MAMDC2: variants seen among roughly 807,000 people sequenced by gnomAD.
MAMDC2 encodes the protein MAM domain containing 2, also known as MAM domain-containing protein 2.
In MAMDC2, 57 loss-of-function variants were observed where a neutral mutation model predicts 89.8. That is an observed-to-expected ratio of 0.63 (90% CI 0.51 to 0.79). MAMDC2 has a LOEUF of 0.79. MAMDC2 is among the 30% of genes least tolerant of loss of function. The pLI, the probability that MAMDC2 is intolerant of heterozygous loss-of-function variation, is 0.00. For synonymous variants in MAMDC2, 313 were observed against 293.4 expected, an observed-to-expected ratio of 1.07 and a Z score of -0.68; for missense variants, 800 against 820.6, an observed-to-expected ratio of 0.97 and a Z score of 0.31.
chr9:70,192,383 T>G (rs1057240010), intron 11 of MAMDC2, among the ~76,000 whole-genome samples: 3 of 152,122 alleles, frequency 2.0e-5, no homozygotes, highest in African/African-American at 4.8e-5. Context: ...TCTTCTGCAC[T>G]GCAAGCCAAC....
rs759700046 is a variant in MAMDC2, at chr9:70,218,337, GCTA to G, written c.1657_1659del (p.Tyr553del). 1.9e-6 allele frequency: 3 copies of G among 1,609,336 alleles called. No individual in the cohort carries two copies. Among genetic ancestry groups the G allele is most frequent in the Non-Finnish European group, 1.7e-6 (2 of 1,176,878 alleles). ...TACCTGCTTTTGCATTCACCTCAAG[GCTA>G]CTACATGTACATTGAGGCCTCCCAT... On this transcript the variant is annotated inframe_deletion and splice_region_variant, in exon 12 of 14. Coordinates refer to ENST00000377182, the MANE Select transcript of MAMDC2 (RefSeq NM_153267.5).
At chr9:70,079,396 C>T (rs1827605963) in intron 2 of MAMDC2, 2 of 152,132 alleles carry the variant, frequency 1.3e-5, no homozygotes, top group Non-Finnish European at 1.5e-5. Flanking sequence ...TTATAAACTG[C>T]TATAAGAATG....
chr9:70,087,932 A>G (rs1827806389), intron 2 of MAMDC2, among the ~76,000 whole-genome samples: 1 of 152,084 alleles, frequency 6.6e-6, no homozygotes, highest in Non-Finnish European at 1.5e-5. Context: ...ATTATTTCTC[A>G]ATTAGGGAGT....
chr9:70,058,966 TCA>T (rs1247843651), intron 2 of MAMDC2, among the ~76,000 whole-genome samples: 1 of 152,224 alleles, frequency 6.6e-6, no homozygotes, highest in Non-Finnish European at 1.5e-5. Flanking sequence ...TGTGAGAGTC[TCA>T]CACTCAGAGG....
chr9:70,182,081 T>C (rs1188337121), intron 11 of MAMDC2, among the ~76,000 whole-genome samples: 2 of 151,786 alleles, frequency 1.3e-5, no homozygotes, highest in South Asian at 4.2e-4. Flanking sequence ...TTGAATTTTA[T>C]CGAAGGCCTT....
intron 5 of MAMDC2, among the ~76,000 whole-genome samples, chr9:70,114,927 A>G (rs1025091886): frequency 6.6e-6 from 1 of 152,156 alleles, no homozygotes; most frequent in African/African-American, 2.4e-5. Flanking sequence ...AAAGAAGTAA[A>G]CTGTATTTCG....
chr9:70,045,649 A>T (rs949755411), intron 2 of MAMDC2, among the ~76,000 whole-genome samples: 4 of 152,146 alleles, frequency 2.6e-5, no homozygotes, highest in African/African-American at 9.7e-5. Flanking sequence ...CCCTGGTTAG[A>T]TGTATGAACT....
intron 4 of MAMDC2, among the ~76,000 whole-genome samples, chr9:70,111,613 T>C (rs1417834878): frequency 6.6e-6 from 1 of 152,226 alleles, no homozygotes; most frequent in Admixed American, 6.5e-5. Flanking sequence ...TGGCACTGAA[T>C]GTTAGGGCAT....
intron 2 of MAMDC2, among the ~76,000 whole-genome samples, chr9:70,050,216 G>A (rs1030237634): frequency 6.6e-6 from 1 of 151,606 alleles, no homozygotes; most frequent in Non-Finnish European, 1.5e-5. Context: ...CCACCCGTCT[G>A]TGATCTTCAG....
chr9:70,215,619 A>G (rs1209925498), intron 11 of MAMDC2, among the ~76,000 whole-genome samples: 2 of 152,234 alleles, frequency 1.3e-5, no homozygotes, highest in African/African-American at 4.8e-5. Flanking sequence ...CTACTTGTTC[A>G]CTGCATTCAG....
At chr9:70,175,134 T>G (rs1201204295) in intron 11 of MAMDC2, among the ~76,000 whole-genome samples, 1 of 152,196 alleles carries the variant, frequency 6.6e-6, no homozygotes, top group East Asian at 1.9e-4. Context: ...GCTACTGTGT[T>G]GAGGAAAGAC....
chr9:70,209,218 T>C lies in MAMDC2; in HGVS notation c.1652-9119T>C, dbSNP rs534139628. On this transcript the variant is annotated intron_variant, in intron 11 of 13. Transcript: ENST00000377182. ...TCAGAAGGAATTGTACCAGCTCCTC[T>C]TTGTACCTCTGGTAGAATTCGGCTG... Among the ~76,000 whole-genome samples, 599 of 152,328 alleles carry C rather than the reference T, an allele frequency of 3.9e-3. 3 individuals carry two copies. Among genetic ancestry groups the C allele is most frequent in the African/African-American group, 0.013 (554 of 41,580 alleles).
Position 70,190,321 on chromosome 9 carries a change from T to C in MAMDC2, c.1651+19690T>C, listed in dbSNP as rs546132508. Among the ~76,000 whole-genome samples, 8 of 152,326 alleles carry C rather than the reference T, an allele frequency of 5.3e-5. No individual in the cohort carries two copies. The East Asian group carries it at 7.7e-4, about 15-fold the overall frequency. ...TTTCCTAGACTAATTCTGTAGTCTATATTCTTTGTTGTGTATGGCTCTGCT... is the reference window on the plus strand; with the variant it reads ...TTTCCTAGACTAATTCTGTAGTCTACATTCTTTGTTGTGTATGGCTCTGCT... On this transcript the variant is annotated intron_variant, in intron 11 of 13. Coordinates refer to ENST00000377182, the MANE Select transcript of MAMDC2 (RefSeq NM_153267.5).
intron 6 of MAMDC2, among the ~76,000 whole-genome samples, chr9:70,127,618 T>C (rs2030613667): frequency 6.6e-6 from 1 of 151,914 alleles, no homozygotes; most frequent in East Asian, 1.9e-4. Flanking sequence ...TAGTTTCTGA[T>C]GTGTTTCATC....
chr9:70,155,880 C>T (rs964630402), intron 9 of MAMDC2, among the ~76,000 whole-genome samples: 1 of 152,158 alleles, frequency 6.6e-6, no homozygotes, highest in Non-Finnish European at 1.5e-5. Flanking sequence ...ATGCCTCTTC[C>T]TCTTTGAATC....
chr9:70,045,611 C>T (rs761934360), intron 2 of MAMDC2, among the ~76,000 whole-genome samples: 5 of 152,202 alleles, frequency 3.3e-5, no homozygotes, highest in Admixed American at 6.5e-5. Context: ...TCCCACCTCG[C>T]TCCCTGGGGG....
At chr9:70,223,856 AAAG>A (rs1260930403) in intron 12 of MAMDC2, among the ~76,000 whole-genome samples, 2 of 152,232 alleles carry the variant, frequency 1.3e-5, no homozygotes, top group Non-Finnish European at 2.9e-5. Flanking sequence ...CAATGTAGAA[AAAG>A]AAGAGGTATT....
intron 2 of MAMDC2, among the ~76,000 whole-genome samples, chr9:70,066,450 G>A (rs981479172): frequency 4.6e-5 from 7 of 152,122 alleles, no homozygotes; most frequent in Admixed American, 1.3e-4. Context: ...GGAAGGTCAC[G>A]TCTCTTTTCC....
At chr9:70,130,774 AAAAACAAAAC>A (rs4069785) in intron 6 of MAMDC2, among the ~76,000 whole-genome samples, 19 of 151,784 alleles carry the variant, frequency 1.3e-4, no homozygotes, top group East Asian at 7.9e-4. Flanking sequence ...AGGGAGGTAA[AAAAACAAAAC>A]AAAACAAAAC....
Sources: allele counts gnomAD v4.1 joint callset (sites outside exome capture counted in the v4.1 genomes callset), GRCh38; gene constraint gnomAD v4.1.1; transcripts MANE v1.5; gene names NCBI Gene and HGNC (gene_info 2026-07-23, HGNC 2026-07-21).